Variants in AATF observed in about 807,000 individuals in gnomAD.
AATF encodes the protein apoptosis antagonizing transcription factor.
AATF carries 48 observed loss-of-function variants against 63.7 expected under a neutral mutation model. The ratio of observed to expected loss-of-function variants is 0.75; its 90% CI spans 0.60 to 0.96. AATF has a LOEUF of 0.96. AATF is among the 40% of genes least tolerant of loss of function. The probability of loss-of-function intolerance (pLI) is 0.00; values close to 1 mark genes in which losing one functional copy is unlikely to be tolerated. For missense variants in AATF, 639 were observed against 685.7 expected (o/e 0.93, Z 0.76); for synonymous variants, 258 against 247.7 (o/e 1.04, Z -0.39).
chr17:36,949,704 A>G (rs2070837619), intron 1 of AATF, among the ~76,000 whole-genome samples: 1 of 152,244 alleles, frequency 6.6e-6, no homozygotes, highest in Non-Finnish European at 1.5e-5. Context: ...CTGACGACTG[A>G]GACTCCTGTT....
chr17:37,002,201 C>CAAAA (rs34123922), intron 8 of AATF, among the ~76,000 whole-genome samples: 2 of 76,436 alleles, frequency 2.6e-5, no homozygotes, highest in African/African-American at 4.3e-5. Flanking sequence ...GACTCCGTCT[C>CAAAA]AAAAAAAAAA....
At chr17:37,049,809 C>T (rs559890127) in intron 11 of AATF, among the ~76,000 whole-genome samples, 4 of 152,190 alleles carry the variant, frequency 2.6e-5, no homozygotes, top group South Asian at 2.1e-4. Context: ...CATCTTTTTC[C>T]GCAGACATTT....
At chr17:36,981,131 A>G (rs960920481) in intron 4 of AATF, among the ~76,000 whole-genome samples, 2 of 152,152 alleles carry the variant, frequency 1.3e-5, no homozygotes, top group African/African-American at 2.4e-5. Flanking sequence ...TGTTGGATTG[A>G]TATGCTGCCT....
intron 11 of AATF, among the ~76,000 whole-genome samples, chr17:37,049,636 C>T (rs2071729195): frequency 6.6e-6 from 1 of 151,238 alleles, no homozygotes; most frequent in African/African-American, 2.4e-5. Context: ...AAGCTGCTGT[C>T]CTGTGGTCTG....
chr17:36,953,709 G>A, intron 3 of AATF, 61 bp from the exon 4 acceptor site: 1 of 1,551,554 alleles, frequency 6.4e-7, no homozygotes. Context: ...CCCCACCCCT[G>A]CCACCTCACC....
At chr17:36,988,439 A>G in intron 5 of AATF, 80 bp from the exon 6 acceptor site, 1 of 1,368,146 alleles carries the variant, frequency 7.3e-7, no homozygotes, top group African/African-American at 1.4e-5. Context: ...AAATATTCTC[A>G]GTCCTTTATG....
chr17:37,009,796 C>T (rs1005265578), intron 8 of AATF, among the ~76,000 whole-genome samples: 1 of 132,042 alleles, frequency 7.6e-6, no homozygotes, highest in Admixed American at 8.1e-5. Context: ...CGCAGTCTGG[C>T]CTGGGCGACA....
chr17:36,961,613 A>G (rs985600702), intron 4 of AATF, among the ~76,000 whole-genome samples: 1 of 152,002 alleles, frequency 6.6e-6, no homozygotes, highest in Non-Finnish European at 1.5e-5. Context: ...ATACTGTATC[A>G]TATTGCCCAG....
At chr17:36,960,350 A>G (rs1274898963) in intron 4 of AATF, among the ~76,000 whole-genome samples, 2 of 152,242 alleles carry the variant, frequency 1.3e-5, no homozygotes, top group African/African-American at 2.4e-5. Flanking sequence ...CTCAGCAATA[A>G]TAGATACCTT....
At chr17:36,980,510 G>A (rs1214696329) in intron 4 of AATF, 4 of 152,204 alleles carry the variant, frequency 2.6e-5, no homozygotes, top group African/African-American at 9.6e-5. Context: ...TTTAACTCTT[G>A]TAATAATTGG....
chr17:37,039,328 A>ATTCT (rs2071618077), intron 11 of AATF, among the ~76,000 whole-genome samples: 1 of 152,226 alleles, frequency 6.6e-6, no homozygotes, highest in Non-Finnish European at 1.5e-5. Flanking sequence ...CTGACAGGTG[A>ATTCT]GACAAGCCCA....
intron 8 of AATF, among the ~76,000 whole-genome samples, chr17:37,011,141 C>T (rs8079012): frequency 0.033 from 4,963 of 152,244 alleles, 284 homozygotes; most frequent in African/African-American, 0.11. Flanking sequence ...GAGGCCAAGA[C>T]GAGTGGATTA....
chr17:37,037,440 G>A (rs1222708254), intron 11 of AATF, among the ~76,000 whole-genome samples: 1 of 152,176 alleles, frequency 6.6e-6, no homozygotes, highest in Non-Finnish European at 1.5e-5. Flanking sequence ...ATTATCACCA[G>A]CAAGAGCGGG....
At chr17:36,958,382 G>T (rs2070919320) in intron 4 of AATF, among the ~76,000 whole-genome samples, 1 of 152,008 alleles carries the variant, frequency 6.6e-6, no homozygotes, top group African/African-American at 2.4e-5. Context: ...GGCCAGGCTG[G>T]TCCTAAACTC....
intron 9 of AATF, 115 bp downstream of exon 9, chr17:37,019,187 A>T (rs967247167): frequency 1.1e-5 from 9 of 808,760 alleles, no homozygotes; most frequent in African/African-American, 7.0e-5. Context: ...ATTGAAGTTA[A>T]GCAAGTAAGA....
chr17:37,011,001 A>C (rs912178821), intron 8 of AATF, among the ~76,000 whole-genome samples: 1 of 152,230 alleles, frequency 6.6e-6, no homozygotes, highest in African/African-American at 2.4e-5. Context: ...GGACAAGAGT[A>C]AATGAGAGGA....
At chr17:37,029,149 C>T (rs138650640) in intron 10 of AATF, among the ~76,000 whole-genome samples, 1 of 152,270 alleles carries the variant, frequency 6.6e-6, no homozygotes, top group East Asian at 1.9e-4. Context: ...GTCTCAACCT[C>T]CTAGGCTTAA....
At chr17:37,054,501 A>T (rs1040924417) in intron 11 of AATF, 1 of 152,194 alleles carries the variant, frequency 6.6e-6, no homozygotes, top group Non-Finnish European at 1.5e-5. Flanking sequence ...AAGAACCCAG[A>T]CCACTCAGCT....
At chr17:36,957,508 A>G (rs931269566) in intron 4 of AATF, among the ~76,000 whole-genome samples, 5 of 152,188 alleles carry the variant, frequency 3.3e-5, no homozygotes, top group Non-Finnish European at 7.3e-5. Flanking sequence ...TGTTCTGGAA[A>G]GTGTTATAGT....
Sources: gnomAD v4.1 joint callset for allele counts (sites outside exome capture counted in the v4.1 genomes callset) on GRCh38, gnomAD v4.1.1 for gene constraint, MANE v1.5 for transcripts, NCBI Gene and HGNC (gene_info 2026-07-23, HGNC 2026-07-21) for gene names.